The following ATXN7L1 variants were observed in gnomAD, a reference collection of about 807,000 sequenced individuals.
ATXN7L1 encodes ataxin 7 like 1.
ATXN7L1 carries 15 observed loss-of-function variants against 70.8 expected under a neutral mutation model. That is an observed-to-expected ratio of 0.21 (90% CI 0.14 to 0.33). The LOEUF (loss-of-function observed/expected upper bound fraction) is 0.33, where lower values mean the gene tolerates loss of function less well. Among genes scored for constraint, ATXN7L1 ranks in the 10% least tolerant of loss-of-function variants. The probability of loss-of-function intolerance (pLI) is 1.00; values close to 1 mark genes in which losing one functional copy is unlikely to be tolerated. For missense variants in ATXN7L1, 975 were observed against 1,097.1 expected (o/e 0.89, Z 1.57); for synonymous variants, 440 against 445.1 (o/e 0.99, Z 0.14).
At chr7:105,875,627 AC>A (rs3835024) in intron 2 of ATXN7L1, among the ~76,000 whole-genome samples, 184 bp downstream of exon 2, 65 of 94,804 alleles carry the variant, frequency 6.9e-4, no homozygotes, top group African/African-American at 2.1e-3. Context: ...ACCCCCCTTT[AC>A]CCCCCCCCCA....
At chr7:105,627,136 C>T (rs1257615243) in intron 7 of ATXN7L1, among the ~76,000 whole-genome samples, 2 of 152,174 alleles carry the variant, frequency 1.3e-5, no homozygotes, top group African/African-American at 2.4e-5. Context: ...CATGATAGGA[C>T]CTCCTTATCC....
intron 2 of ATXN7L1, among the ~76,000 whole-genome samples, chr7:105,871,383 G>A (rs900807403): frequency 1.3e-5 from 2 of 152,148 alleles, no homozygotes; most frequent in African/African-American, 4.8e-5. Flanking sequence ...CATGGATCTA[G>A]CAACGCCTTC....
At chr7:105,784,251 A>G (rs1457969320) in intron 3 of ATXN7L1, among the ~76,000 whole-genome samples, 1 of 152,180 alleles carries the variant, frequency 6.6e-6, no homozygotes, top group Non-Finnish European at 1.5e-5. Context: ...GGTGTAAGCC[A>G]CTGCGCCCGG....
chr7:105,664,234 TGCTCCACA>T (rs1440302588), intron 4 of ATXN7L1, among the ~76,000 whole-genome samples: 6 of 152,158 alleles, frequency 3.9e-5, no homozygotes, highest in Admixed American at 6.6e-5. Flanking sequence ...GCCGTGGTCT[TGCTCCACA>T]CCAGGCACAC....
Position 105,665,127 on chromosome 7 carries a change from G to A in ATXN7L1, c.517C>T (p.Leu173Phe). 6.4e-7 allele frequency: 1 copy of A among 1,551,748 alleles called. No individual in the cohort carries two copies. The change falls in exon 4 of 12, where the codon CTT becomes TTT. Residue 173 changes from leucine to phenylalanine, a missense_variant. Leu to Phe is a conservative substitution (Grantham distance 22). This residue lies in a region of ATXN7L1 where 192 missense variants were observed against 215.5 expected (regional missense o/e 0.89). Coordinates refer to ENST00000419735, the MANE Select transcript of ATXN7L1 (RefSeq NM_020725.2). ...KPFKTPKDNL[L>F]TSSSKQHTVF... ...GTGTGCTGTTTGCTGCTGGAGGTAA[G>A]TAGATTGTCTTTGGGCGTTTTGAAT... is the stretch of plus-strand genomic sequence containing the variant.
chr7:105,721,571 T>A (rs1257401683), intron 3 of ATXN7L1, among the ~76,000 whole-genome samples: 1 of 152,206 alleles, frequency 6.6e-6, no homozygotes, highest in African/African-American at 2.4e-5. Context: ...AGTAGTCTCC[T>A]CCCAGGGCTC....
intron 2 of ATXN7L1, among the ~76,000 whole-genome samples, chr7:105,874,403 TTGTG>T (rs1160570771): frequency 6.6e-6 from 1 of 152,146 alleles, no homozygotes; most frequent in African/African-American, 2.4e-5. Context: ...TCTCAAGAGT[TTGTG>T]TGTGAAGAAA....
At chr7:105,667,101 C>T (rs981612587) in intron 3 of ATXN7L1, among the ~76,000 whole-genome samples, 1 of 152,228 alleles carries the variant, frequency 6.6e-6, no homozygotes, top group Non-Finnish European at 1.5e-5. Flanking sequence ...CAATTTTACT[C>T]AGGCAAGATC....
intron 7 of ATXN7L1, among the ~76,000 whole-genome samples, chr7:105,636,905 T>C (rs1797467601): frequency 1.3e-5 from 2 of 152,174 alleles, no homozygotes; most frequent in Non-Finnish European, 2.9e-5. Flanking sequence ...AAATGTTCGA[T>C]AGCTACAAAG....
chr7:105,791,908 C>G (rs1262642895), intron 2 of ATXN7L1, among the ~76,000 whole-genome samples: 2 of 152,214 alleles, frequency 1.3e-5, no homozygotes, highest in Admixed American at 1.3e-4. Flanking sequence ...ACAAAAATTT[C>G]TTGAACATCT....
intron 3 of ATXN7L1, among the ~76,000 whole-genome samples, chr7:105,764,566 A>G (rs1036378397): frequency 3.3e-5 from 5 of 152,252 alleles, no homozygotes; most frequent in Non-Finnish European, 7.3e-5. Context: ...TAAATCATTC[A>G]TTCAGTCATA....
intron 5 of ATXN7L1, among the ~76,000 whole-genome samples, chr7:105,641,572 T>C (rs937876591): frequency 1.4e-4 from 21 of 152,288 alleles, no homozygotes; most frequent in Admixed American, 3.3e-4. Flanking sequence ...ACGGCCGTGC[T>C]TCTGCTATGG....
At chr7:105,741,376 T>C (rs1183454122) in intron 3 of ATXN7L1, among the ~76,000 whole-genome samples, 1 of 149,106 alleles carries the variant, frequency 6.7e-6, no homozygotes, top group Admixed American at 6.8e-5. Flanking sequence ...TAGTTTTCTT[T>C]ACCCAATAAC....
intron 3 of ATXN7L1, among the ~76,000 whole-genome samples, chr7:105,682,046 A>G (rs1805618214): frequency 6.6e-6 from 1 of 152,094 alleles, no homozygotes; most frequent in African/African-American, 2.4e-5. Context: ...GTAATATGGC[A>G]AAACCCTTTC....
intron 3 of ATXN7L1, among the ~76,000 whole-genome samples, chr7:105,761,705 A>T (rs1800575893): frequency 6.6e-6 from 1 of 152,114 alleles, no homozygotes; most frequent in Non-Finnish European, 1.5e-5. Flanking sequence ...GGGGGAATGG[A>T]ATGGCGGTGG....
intron 7 of ATXN7L1, among the ~76,000 whole-genome samples, chr7:105,632,000 T>C (rs958889917): frequency 6.6e-6 from 1 of 152,180 alleles, no homozygotes; most frequent in Non-Finnish European, 1.5e-5. Flanking sequence ...AGAGAAGGCT[T>C]CCAGATCTTG....
At chr7:105,735,011 T>C (rs1350137503) in intron 3 of ATXN7L1, among the ~76,000 whole-genome samples, 1 of 152,202 alleles carries the variant, frequency 6.6e-6, no homozygotes, top group Non-Finnish European at 1.5e-5. Context: ...ACTGAAAAGG[T>C]GGAGGCTGCC....
chr7:105,760,075 T>A lies in ATXN7L1; in HGVS notation c.355+28529A>T, dbSNP rs523784. ...GAATCAACAAGCCTCCTCCTACTTC[T>A]GGGAAGTCTCTCCTTTTTCTGGCTT... On this transcript the variant is annotated intron_variant, in intron 3 of 11. Coordinates refer to ENST00000419735, the MANE Select transcript of ATXN7L1 (RefSeq NM_020725.2). 40 of 516,370 alleles carry A rather than the reference T, an allele frequency of 7.7e-5. No individual in the cohort carries two copies. The African/African-American group carries it at 7.9e-4, about 10-fold the overall frequency. The allele number at this position is 516,370 out of a possible 1,614,324, so 32.0% of individuals were successfully genotyped here.
At chr7:105,825,542 CA>C (rs1810747268) in intron 2 of ATXN7L1, among the ~76,000 whole-genome samples, 1 of 150,560 alleles carries the variant, frequency 6.6e-6, no homozygotes. Flanking sequence ...TTAGGACAAG[CA>C]AAAACCTACA....
Sources: gnomAD v4.1 joint callset for allele counts (sites outside exome capture counted in the v4.1 genomes callset) on GRCh38, gnomAD v4.1.1 for gene constraint, gnomAD v4.1.1 regional missense constraint, MANE v1.5 for transcripts, NCBI Gene and HGNC (gene_info 2026-07-23, HGNC 2026-07-21) for gene names.